MMRN1: variants seen among roughly 807,000 people sequenced by gnomAD.
MMRN1 encodes the protein multimerin 1, also known as multimerin-1.
A neutral mutation model predicts 100.7 loss-of-function variants in MMRN1; 94 were observed. That is an observed-to-expected ratio of 0.93 (90% CI 0.79 to 1.11). The LOEUF (loss-of-function observed/expected upper bound fraction) is 1.11. Among genes scored for constraint, MMRN1 ranks in the 50% least tolerant of loss-of-function variants. The probability of loss-of-function intolerance (pLI) is 0.00; values close to 1 mark genes in which losing one functional copy is unlikely to be tolerated. For synonymous variants in MMRN1, 575 were observed against 505.0 expected (o/e 1.14, Z -1.86); for missense variants, 1,606 against 1,439.1 (o/e 1.12, Z -1.88).
At chr4:89,944,793 A>G (rs1056170683) in intron 6 of MMRN1, among the ~76,000 whole-genome samples, 7 of 152,196 alleles carry the variant, frequency 4.6e-5, no homozygotes, top group African/African-American at 1.7e-4. Context: ...ATGAACTACA[A>G]TATTCTTAGT....
In MMRN1 at chr4:89,904,608, A is replaced by C. The variant is rs1251427435; in HGVS notation, c.624-4668A>C. Reference sequence around the variant, plus strand: ...CAAGGTTCTTCCTTTTCAAAGGTTGAATAATACCCCATTTTGAGTGTGCGT... The same window carrying C: ...CAAGGTTCTTCCTTTTCAAAGGTTGCATAATACCCCATTTTGAGTGTGCGT... On this transcript the variant is annotated intron_variant, in intron 1 of 7. Transcript: ENST00000264790. 6.6e-5 allele frequency among the ~76,000 whole-genome samples: 10 copies of C among 151,464 alleles called. No individual in the cohort carries two copies. In the Admixed American group the frequency reaches 6.6e-4, roughly 10 times the overall value.
At chr4:89,947,629 C>G (rs1723028922) in intron 6 of MMRN1, among the ~76,000 whole-genome samples, 1 of 152,086 alleles carries the variant, frequency 6.6e-6, no homozygotes, top group African/African-American at 2.4e-5. Context: ...TTTGGAGCAT[C>G]AGGCAGCAAT....
At chr4:89,903,911 A>AAC (rs1721472572) in intron 1 of MMRN1, among the ~76,000 whole-genome samples, 1 of 151,042 alleles carries the variant, frequency 6.6e-6, no homozygotes, top group South Asian at 2.1e-4. Flanking sequence ...AAAAAAAAAA[A>AAC]AACTCTAGGC....
In MMRN1 at chr4:89,954,069, T is replaced by C. The variant is rs1723269262; in HGVS notation, c.*651T>C. On this transcript the variant is annotated 3_prime_UTR_variant, in exon 8 of 8. Coordinates refer to ENST00000264790, the MANE Select transcript of MMRN1 (RefSeq NM_007351.3). ...ACACTCAAGTCTAAGAATATATGAG[T>C]GGATCATTTACCGCCCCCCGCCCCA... The C allele has an allele frequency of 6.6e-6, 1 of 152,112 alleles. No individual in the cohort carries two copies. The highest frequency in any genetic ancestry group is 1.5e-5 in the Non-Finnish European group (1 of 68,076). 9.4% of individuals were successfully genotyped at this position (152,112 alleles called of 1,614,324 possible). A position where few individuals can be genotyped will look rare whatever the true frequency, so the allele number is the denominator to read the frequency against.
upstream of MMRN1, among the ~76,000 whole-genome samples, chr4:89,893,962 C>G (rs1721112473): frequency 6.6e-6 from 1 of 151,950 alleles, no homozygotes; most frequent in Admixed American, 6.6e-5. Context: ...AGAAAAAAAC[C>G]CATAGAAAAC....
rs113797318 is a variant in MMRN1, at chr4:89,934,940, C to T, written c.1260C>T (p.Leu420=). Residue 420 remains leucine, a synonymous_variant, in exon 6 of 8, where the codon CTC becomes CTT. Transcript: ENST00000264790. The stretch of plus-strand genomic sequence containing the variant: ...CTGTATCAAGTCTATCAGAGGACCT[C>T]GAAAGCACCAGGCAAATAATTCAAA... ...FKTVSSLSED[L]ESTRQIIQKV... is the part of the protein sequence containing the mutation. The T allele has an allele frequency of 7.3e-3, 11,825 of 1,613,514 alleles. 143 individuals carry two copies. The highest frequency in any genetic ancestry group is 0.049 in the Middle Eastern group (296 of 6,048).
At chr4:89,944,643 C>G (rs1722932744) in intron 6 of MMRN1, among the ~76,000 whole-genome samples, 1 of 151,962 alleles carries the variant, frequency 6.6e-6, no homozygotes, top group Non-Finnish European at 1.5e-5. Context: ...CGGCTATAAT[C>G]ATCTAGATAT....
chr4:89,893,903 G>A (rs555365516), upstream of MMRN1, among the ~76,000 whole-genome samples: 1 of 152,178 alleles, frequency 6.6e-6, no homozygotes, highest in African/African-American at 2.4e-5. Context: ...CTGAGGATCA[G>A]AGATTTGCTG....
chr4:89,880,806 C>G (rs1256748384), intron 1 of MMRN1, among the ~76,000 whole-genome samples: 1 of 152,044 alleles, frequency 6.6e-6, no homozygotes, highest in Non-Finnish European at 1.5e-5. Flanking sequence ...TTGGCAAGAT[C>G]AAGGGATGTG....
Position 89,910,872 on chromosome 4 carries a change from T to G in MMRN1, c.744-1072T>G, listed in dbSNP as rs138354679. On this transcript the variant is annotated intron_variant, in intron 2 of 7. Transcript: ENST00000264790. ...GTCTCTAAAGGCCGGTCTGTTATAA[T>G]GCTATTGCTCCACATGTTCACGGTT... Among the ~76,000 whole-genome samples, 208 of 151,488 alleles carry G rather than the reference T, an allele frequency of 1.4e-3. 1 individual carries two copies. The highest frequency in any genetic ancestry group is 4.9e-3 in the African/African-American group (203 of 41,466).
intron 1 of MMRN1, among the ~76,000 whole-genome samples, chr4:89,903,984 T>C (rs1315045121): frequency 6.6e-6 from 1 of 151,230 alleles, no homozygotes; most frequent in African/African-American, 2.4e-5. Flanking sequence ...AATAAAAATC[T>C]TGTCCAGCAG....
chr4:89,951,914 G>A (rs553950963), intron 7 of MMRN1, among the ~76,000 whole-genome samples, 163 bp downstream of exon 7: 53 of 152,248 alleles, frequency 3.5e-4, no homozygotes, highest in African/African-American at 1.2e-3. Flanking sequence ...TGATTTACAA[G>A]TGGAAATGTC....
At chr4:89,919,376 T>C (rs1240829456) in intron 3 of MMRN1, among the ~76,000 whole-genome samples, 1 of 151,780 alleles carries the variant, frequency 6.6e-6, no homozygotes, top group Admixed American at 6.6e-5. Flanking sequence ...TCATGATTCA[T>C]GGTTGCAAAC....
chr4:89,910,156 AAG>A (rs1560584526), intron 2 of MMRN1, among the ~76,000 whole-genome samples: 1 of 151,400 alleles, frequency 6.6e-6, no homozygotes, highest in Non-Finnish European at 1.5e-5. Context: ...ACATAAAATC[AAG>A]GTGTTTCTTA....
intron 3 of MMRN1, among the ~76,000 whole-genome samples, chr4:89,917,565 T>C (rs1297267446): frequency 6.6e-6 from 1 of 151,950 alleles, no homozygotes; most frequent in Non-Finnish European, 1.5e-5. Context: ...GTAATATACA[T>C]CATACCAAAA....
At chr4:89,886,753 T>C (rs900850207) in intron 1 of MMRN1, among the ~76,000 whole-genome samples, 4 of 152,148 alleles carry the variant, frequency 2.6e-5, no homozygotes, top group African/African-American at 9.7e-5. Flanking sequence ...TACATACTTA[T>C]GGAGTACATG....
chr4:89,919,254 T>A (rs1434621786), intron 3 of MMRN1, among the ~76,000 whole-genome samples: 1 of 151,492 alleles, frequency 6.6e-6, no homozygotes, highest in Non-Finnish European at 1.5e-5. Context: ...ATTAACATTA[T>A]CGGATAAAGT....
chr4:89,884,432 G>T (rs1720890736), intron 1 of MMRN1, among the ~76,000 whole-genome samples: 1 of 152,052 alleles, frequency 6.6e-6, no homozygotes, highest in African/African-American at 2.4e-5. Context: ...CCAAGATTTT[G>T]ATGGGTTTTT....
rs746907147 is a variant in MMRN1 at position 89,936,068 on chromosome 4, T to C, written c.2388T>C (p.Tyr796=). The change falls in exon 6 of 8, where the codon TAT becomes TAC. Residue 796 remains tyrosine (Y), a synonymous_variant. Transcript: ENST00000264790. The part of the protein sequence containing the change: ...IQTLVNDNQR[Y]NFVLQVAKTL... ...CTTTGGTCAATGACAATCAGAGATA[T>C]AACTTTGTTTTGCAAGTCGCCAAGA... 7 of 1,611,894 alleles carry C rather than the reference T, an allele frequency of 4.3e-6. No homozygotes were observed. The East Asian group carries it at 6.7e-5, about 15-fold the overall frequency.
Sources: allele counts gnomAD v4.1 joint callset (sites outside exome capture counted in the v4.1 genomes callset), GRCh38; gene constraint gnomAD v4.1.1; transcripts MANE v1.5; gene names NCBI Gene and HGNC (gene_info 2026-07-23, HGNC 2026-07-21).